Variants in DGKB observed in about 807,000 individuals in gnomAD.
DGKB encodes 90 kDa diacylglycerol kinase.
A neutral mutation model predicts 114.3 loss-of-function variants in DGKB; 67 were observed. The observed-to-expected ratio is 0.59, with a 90% CI of 0.48 to 0.72. The LOEUF is 0.72. Among genes scored for constraint, DGKB ranks in the 30% least tolerant of loss-of-function variants. The probability of loss-of-function intolerance (pLI) is 0.00; values close to 1 mark genes in which losing one functional copy is unlikely to be tolerated. For missense variants in DGKB, 907 were observed against 975.2 expected (o/e 0.93, Z 0.93); for synonymous variants, 398 against 323.1 (o/e 1.23, Z -2.49).
Position 14,598,398 on chromosome 7 carries a change from A to C in DGKB, c.1433+9036T>G, listed in dbSNP as rs550706283. Among the ~76,000 whole-genome samples the C allele has an allele frequency of 4.6e-5, 7 of 152,338 alleles. No individual in the cohort carries two copies. The South Asian group carries it at 8.3e-4, about 18-fold the overall frequency. On this transcript the variant is annotated intron_variant, in intron 17 of 25. Coordinates refer to ENST00000402815, the MANE Select transcript of DGKB (RefSeq NM_001350709.2). Reference sequence around the variant, plus strand: ...TGATCTAAACGAAAAGTCATGCTTCAAAGAGTGATATGCAAAGGGACTTTC... The same window carrying C: ...TGATCTAAACGAAAAGTCATGCTTCCAAGAGTGATATGCAAAGGGACTTTC...
chr7:14,350,410 C>T (rs115193963), intron 21 of DGKB, among the ~76,000 whole-genome samples: 2 of 151,580 alleles, frequency 1.3e-5, no homozygotes, highest in Admixed American at 6.6e-5. Flanking sequence ...AACAAACAAA[C>T]GAAACAGTAA....
intron 23 of DGKB, among the ~76,000 whole-genome samples, chr7:14,229,128 C>A (rs188319460): frequency 6.6e-6 from 1 of 152,046 alleles, no homozygotes; most frequent in African/African-American, 2.4e-5. Flanking sequence ...TAAAATCCAG[C>A]AGATCTGATT....
At chr7:14,267,705 G>A (rs778812767) in intron 23 of DGKB, among the ~76,000 whole-genome samples, 2 of 151,950 alleles carry the variant, frequency 1.3e-5, no homozygotes, top group African/African-American at 2.4e-5. Context: ...TAGCCAGGAT[G>A]GTCTCGATCT....
At chr7:14,704,628 C>A (rs552119724) in intron 6 of DGKB, among the ~76,000 whole-genome samples, 2 of 151,918 alleles carry the variant, frequency 1.3e-5, no homozygotes, top group African/African-American at 2.4e-5. Context: ...ATCTGAGAAC[C>A]GGCAGACTGC....
intron 23 of DGKB, among the ~76,000 whole-genome samples, chr7:14,183,110 T>C (rs1782878190): frequency 6.6e-6 from 1 of 152,220 alleles, no homozygotes; most frequent in South Asian, 2.1e-4. Context: ...TATGGAGTTG[T>C]ACCTTTTGAG....
chr7:14,860,904 A>G (rs1850880721), intron 1 of DGKB, among the ~76,000 whole-genome samples: 1 of 151,958 alleles, frequency 6.6e-6, no homozygotes, highest in African/African-American at 2.4e-5. Context: ...TATAAATATT[A>G]AGATAATAGA....
At chr7:14,828,291 G>C (rs771812135) in intron 2 of DGKB, among the ~76,000 whole-genome samples, 2 of 152,078 alleles carry the variant, frequency 1.3e-5, no homozygotes, top group Non-Finnish European at 2.9e-5. Context: ...AGATGTCTGA[G>C]CATCCCTGTG....
At chr7:14,697,888 G>C (rs1824316133) in intron 8 of DGKB, among the ~76,000 whole-genome samples, 1 of 141,188 alleles carries the variant, frequency 7.1e-6, no homozygotes. Context: ...AGGGAGGGGA[G>C]AAAGAAAGAG....
intron 13 of DGKB, among the ~76,000 whole-genome samples, chr7:14,642,030 T>C (rs895084857): frequency 2.4e-4 from 36 of 152,130 alleles, no homozygotes; most frequent in Admixed American, 5.2e-4. Flanking sequence ...AGGGATAGCA[T>C]GATCTCTTTT....
chr7:14,671,662 T>C (rs1818985795), intron 13 of DGKB, among the ~76,000 whole-genome samples: 1 of 152,098 alleles, frequency 6.6e-6, no homozygotes, highest in African/African-American at 2.4e-5. Context: ...CTCACTGAAT[T>C]GAGTGGGGTC....
At chr7:14,637,526 A>T (rs923764662) in intron 13 of DGKB, among the ~76,000 whole-genome samples, 30 of 151,386 alleles carry the variant, frequency 2.0e-4, no homozygotes, top group African/African-American at 7.0e-4. Flanking sequence ...GATTATATAT[A>T]TATGTGTGTA....
chr7:14,382,416 A>G (rs2128685365), intron 21 of DGKB, among the ~76,000 whole-genome samples: 1 of 151,352 alleles, frequency 6.6e-6, no homozygotes, highest in African/African-American at 2.4e-5. Flanking sequence ...TCTATTGCTA[A>G]TAATCTTTTC....
chr7:14,538,150 GAAAC>G (rs1333959921), intron 20 of DGKB, among the ~76,000 whole-genome samples: 1 of 112,714 alleles, frequency 8.9e-6, no homozygotes, highest in Middle Eastern at 5.4e-3. Context: ...GCACAACAAA[GAAAC>G]AAGCAACAAA....
intron 23 of DGKB, chr7:14,191,655 A>G: frequency 3.3e-6 from 1 of 303,164 alleles, no homozygotes; most frequent in South Asian, 3.9e-5. Context: ...ATGCACCATG[A>G]GGCTTTGAGC....
chr7:14,176,515 CAA>C, intron 25 of DGKB: 2 of 1,026,600 alleles, frequency 1.9e-6, no homozygotes, highest in African/African-American at 1.7e-5. Flanking sequence ...CTGAAATAAA[CAA>C]AAAAGTTTCA....
intron 21 of DGKB, among the ~76,000 whole-genome samples, chr7:14,445,744 A>T (rs573749428): frequency 6.6e-6 from 1 of 152,158 alleles, no homozygotes; most frequent in Admixed American, 6.6e-5. Context: ...TATATCAAAA[A>T]ATAGTGTCCC....
intron 2 of DGKB, among the ~76,000 whole-genome samples, chr7:14,764,709 T>C (rs745976771): frequency 6.6e-6 from 1 of 151,820 alleles, no homozygotes; most frequent in Non-Finnish European, 1.5e-5. Flanking sequence ...TTTTCCTATG[T>C]ATGAATATAT....
chr7:14,447,856 T>G (rs1830941537), intron 21 of DGKB, among the ~76,000 whole-genome samples: 1 of 152,086 alleles, frequency 6.6e-6, no homozygotes, highest in Admixed American at 6.6e-5. Flanking sequence ...AATCCTAATT[T>G]CCGCAGTTCA....
At chr7:14,927,013 A>C (rs1784783850) in intron 1 of DGKB, among the ~76,000 whole-genome samples, 1 of 151,378 alleles carries the variant, frequency 6.6e-6, no homozygotes, top group African/African-American at 2.4e-5. Context: ...TGGGCTGCAG[A>C]CTCTTGAAGG....
Sources: gnomAD v4.1 joint callset for allele counts (sites outside exome capture counted in the v4.1 genomes callset) on GRCh38, gnomAD v4.1.1 for gene constraint, MANE v1.5 for transcripts, NCBI Gene and HGNC (gene_info 2026-07-23, HGNC 2026-07-21) for gene names.